Variants in CRB2 observed in about 807,000 individuals in gnomAD.
CRB2 encodes the protein protein crumbs homolog 2.
A neutral mutation model predicts 110.9 loss-of-function variants in CRB2; 85 were observed. The ratio of observed to expected loss-of-function variants is 0.77; its 90% confidence interval spans 0.64 to 0.92. The LOEUF (loss-of-function observed/expected upper bound fraction) is 0.92. Ranked by LOEUF, CRB2 falls within the 40% of genes least tolerant of loss-of-function variation. CRB2 has a pLI of 0.00. For synonymous variants in CRB2, 907 were observed against 831.0 expected (o/e 1.09, Z -1.57); for missense variants, 1,843 against 1,851.3 (o/e 1.00, Z 0.08).
At chr9:123,359,804 T>C (rs1180965369) in intron 1 of CRB2, among the ~76,000 whole-genome samples, 2 of 152,114 alleles carry the variant, frequency 1.3e-5, no homozygotes, top group Non-Finnish European at 2.9e-5. Context: ...CCATTCTAAG[T>C]GCATGAAAAG....
chr9:123,362,859 C>G lies in CRB2; in HGVS notation c.95-6C>G, dbSNP rs766647202. ...ACCCTGCCCAGCCAGTTTCTTCTTT[C>G]TACAGGGACGGTGCCTTCAGAGCCC... On this transcript the variant is annotated splice_region_variant and splice_polypyrimidine_tract_variant and intron_variant, in intron 1 of 12. Coordinates refer to ENST00000373631, the MANE Select transcript of CRB2 (RefSeq NM_173689.7). 5.7e-6 allele frequency: 9 copies of G among 1,568,962 alleles called. No homozygotes were observed. In the South Asian group the frequency reaches 1.0e-4, roughly 18 times the overall value.
rs200215866 is a variant in CRB2 at position 123,367,373 on chromosome 9, G to C, written c.940+16G>C. ...GGCTTTGAGGGTGAGCCCCTGCTGG[G>C]GAAGCGGTCAGCCCATGTCCAGATG... On this transcript the variant is annotated intron_variant, in intron 5 of 12. Transcript: ENST00000373631. The C allele has an allele frequency of 5.5e-4, 873 of 1,594,006 alleles. 5 individuals are homozygous for C. In the African/African-American group the frequency reaches 0.011, roughly 20 times the overall value.
chr9:123,373,662 G>T lies in CRB2; in HGVS notation c.3131G>T (p.Trp1044Leu). ...APGAREHFASWPGTPAPILGC... is the reference protein window; with the variant it reads ...APGAREHFASLPGTPAPILGC... ...GGCGCCCGAGAGCACTTCGCGTCTT[G>T]GCCTGGGACGCCGGCCCCGATCCTC... The change falls in exon 10 of 13, where the codon TGG (tryptophan) becomes TTG (leucine). Residue 1044 changes from tryptophan (W) to leucine (L), a missense_variant. Physicochemically the swap from Trp to Leu is moderately conservative, Grantham distance 61. Transcript: ENST00000373631. 7.0e-7 allele frequency: 1 copy of T among 1,437,188 alleles called. No homozygotes were observed. 89.0% of individuals were successfully genotyped at this position (1,437,188 alleles called of 1,614,324 possible). A position where few individuals can be genotyped will look rare whatever the true frequency, so the allele number is the denominator to read the frequency against.
chr9:123,363,919 G>A (rs370603539), intron 2 of CRB2, among the ~76,000 whole-genome samples: 9 of 152,320 alleles, frequency 5.9e-5, no homozygotes, highest in African/African-American at 1.9e-4. Flanking sequence ...CAGAAGGGGC[G>A]CAGTCTGGGA....
rs748440083 is a variant in CRB2 at position 123,371,174 on chromosome 9, A to G, written c.2032A>G (p.Thr678Ala). Residue 678 changes from threonine to alanine, a missense_variant, in exon 8 of 13, where the codon ACT becomes GCT. Physicochemically the swap from Thr to Ala is moderately conservative, Grantham distance 58. Coordinates refer to ENST00000373631, the MANE Select transcript of CRB2 (RefSeq NM_173689.7). ...PNLTVSFLLR[T>A]RESAGLLLQF... ...CCTCACAGTGTCTTTCCTTCTCCGC[A>G]CTCGGGAGTCCGCTGGCCTGTTGCT... The G allele has an allele frequency of 1.9e-6, 3 of 1,613,304 alleles. No homozygotes were observed. The highest frequency in any genetic ancestry group is 3.3e-5 in the Admixed American group (2 of 59,984).
chr9:123,373,897 T>C lies in CRB2; in HGVS notation c.3366T>C (p.Pro1122=), dbSNP rs756922474. Residue 1122 remains proline (P), a synonymous_variant, in exon 10 of 13, where the codon CCT becomes CCC. Transcript: ENST00000373631. The part of the protein sequence containing the change: ...PDGRFECRCP[P]GFGGPRCRLP... ...GCCGCTTCGAGTGCCGCTGCCCGCC[T>C]GGCTTCGGGGGCCCGCGCTGCAGGT... 1.9e-5 allele frequency: 30 copies of C among 1,548,212 alleles called. No individual in the cohort carries two copies. In the Admixed American group the frequency reaches 5.8e-4, roughly 30 times the overall value.
At position 123,371,551 on chromosome 9, in the gene CRB2, G is replaced by A. The variant is rs983780669; in HGVS notation, c.2409G>A (p.Ala803=). 3.1e-6 allele frequency: 5 copies of A among 1,613,100 alleles called. No homozygotes were observed. Among genetic ancestry groups the A allele is most frequent in the Non-Finnish European group, 4.2e-6 (5 of 1,180,030 alleles). The change falls in exon 8 of 13, where the codon GCG becomes GCA. Residue 803 remains alanine (A), a synonymous_variant. Coordinates refer to ENST00000373631, the MANE Select transcript of CRB2 (RefSeq NM_173689.7). ...LGGRQSWNLT[A]GCVSEDMCSP... ...GCAGGCAGTCCTGGAACCTCACTGC[G>A]GGCTGCGTCTCCGAGGACATGTGCA...
intron 1 of CRB2, among the ~76,000 whole-genome samples, chr9:123,357,851 C>T (rs901287693): frequency 6.6e-6 from 1 of 152,254 alleles, no homozygotes; most frequent in Non-Finnish European, 1.5e-5. Flanking sequence ...CATGTGCCTG[C>T]ACACCAATGT....
At chr9:123,359,429 C>CTTTTT (rs2041835094) in intron 1 of CRB2, among the ~76,000 whole-genome samples, 1 of 106,256 alleles carries the variant, frequency 9.4e-6, no homozygotes, top group Non-Finnish European at 1.8e-5. Flanking sequence ...TGTGGTTTTT[C>CTTTTT]GTTTTTGTTT....
At position 123,367,072 on chromosome 9, in the gene CRB2, G is replaced by A. The variant is rs10760281; in HGVS notation, c.755-100G>A. 484,329 of 1,281,494 alleles carry A rather than the reference G, an allele frequency of 0.38. 94,651 individuals are homozygous for A. The highest frequency in any genetic ancestry group is 0.4 in the Non-Finnish European group (383,808 of 951,384). The allele number at this position is 1,281,494 out of a possible 1,614,324, so 79.4% of individuals were successfully genotyped here. On this transcript the variant is annotated intron_variant, in intron 4 of 12. Transcript: ENST00000373631. Reference sequence around the variant, plus strand: ...TCCCTCGCCATTCGTGGCTTATTCCGAGCTGCGGTCCCTTGCTGGCCCTCG... The same window carrying A: ...TCCCTCGCCATTCGTGGCTTATTCCAAGCTGCGGTCCCTTGCTGGCCCTCG...
At position 123,365,774 on chromosome 9, in the gene CRB2, C is replaced by G. The variant is rs867211535; in HGVS notation, c.419-143C>G. On this transcript the variant is annotated intron_variant, in intron 2 of 12. Transcript: ENST00000373631. The stretch of plus-strand genomic sequence containing the variant: ...TGCGGTTGCTGGCATGACCCGTCCC[C>G]CACCCCCCAACCACCACCACCACCA... 5.4e-6 allele frequency: 4 copies of G among 743,936 alleles called. No individual in the cohort carries two copies. The African/African-American group carries it at 7.4e-5, about 14-fold the overall frequency. 46.1% of individuals were successfully genotyped at this position (743,936 alleles called of 1,614,324 possible).
Position 123,360,971 on chromosome 9 carries a change from C to T in CRB2, c.95-1894C>T, listed in dbSNP as rs546742664. Among the ~76,000 whole-genome samples, 9 of 152,270 alleles carry T rather than the reference C, an allele frequency of 5.9e-5. No homozygotes were observed. The South Asian group carries it at 1.9e-3, about 32-fold the overall frequency. Reference sequence around the variant, plus strand: ...CCTCCCATGGGGTTGGACTCTGTCTCCCGGGCTCTGTCATTTAGAGCCCAT... The same window carrying T: ...CCTCCCATGGGGTTGGACTCTGTCTTCCGGGCTCTGTCATTTAGAGCCCAT... On this transcript the variant is annotated intron_variant, in intron 1 of 12. Transcript: ENST00000373631.
rs1564377346 is a variant in CRB2, at chr9:123,373,520, C to T, written c.2989C>T (p.Gln997Ter). The T allele has an allele frequency of 4.1e-6, 6 of 1,478,176 alleles. No homozygotes were observed. Among genetic ancestry groups the T allele is most frequent in the Non-Finnish European group, 5.3e-6 (6 of 1,122,172 alleles). 91.6% of individuals were successfully genotyped at this position (1,478,176 alleles called of 1,614,324 possible). ...RGLASDLGFL[Q>*]GPGAVRILLA... ...CCTGGCCAGTGACCTGGGCTTCCTG[C>T]AGGGCCCGGGTGCTGTGCGCATCCT... Residue 997 changes from glutamine (Q) to a stop codon, truncating the protein, a stop_gained, in exon 10 of 13, where the codon CAG becomes TAG. Coordinates refer to ENST00000373631, the MANE Select transcript of CRB2 (RefSeq NM_173689.7). LOFTEE classifies it high-confidence loss of function.
At position 123,373,746 on chromosome 9, in the gene CRB2, G is replaced by A; in HGVS notation, c.3215G>A (p.Arg1072His). 1.7e-5 allele frequency: 27 copies of A among 1,588,214 alleles called. No individual in the cohort carries two copies. Among genetic ancestry groups the A allele is most frequent in the Non-Finnish European group, 2.3e-5 (27 of 1,175,742 alleles). The change falls in exon 10 of 13, where the codon CGT becomes CAT. Residue 1072 changes from arginine to histidine, a missense_variant. Transcript: ENST00000373631. ...CCCTGTCTGCACGACGGTGCCTGCCGTGACCTCTTCGACGCCTTTGCCTGC... is the reference window on the plus strand; with the variant it reads ...CCCTGTCTGCACGACGGTGCCTGCCATGACCTCTTCGACGCCTTTGCCTGC... ...PSPCLHDGAC[R>H]DLFDAFACAC...
At chr9:123,374,154 C>CGCCT (rs1418270045) in intron 10 of CRB2, 1 of 684,292 alleles carries the variant, frequency 1.5e-6, no homozygotes, top group Non-Finnish European at 2.5e-6. Flanking sequence ...GGCTGGGAGC[C>CGCCT]GCCTGCCGCT....
chr9:123,363,059 G>C lies in CRB2; in HGVS notation c.289G>C (p.Val97Leu). Residue 97 changes from valine (V) to leucine (L), a missense_variant, in exon 2 of 13, where the codon GTG (valine) becomes CTG (leucine). Coordinates refer to ENST00000373631, the MANE Select transcript of CRB2 (RefSeq NM_173689.7). ...TCCCACCGGCTTCCGCTGCTACTGC[G>C]TGCCGGGTTTCCAGGGCCCACGCTG... is the stretch of plus-strand genomic sequence containing the variant. ...PDPTGFRCYC[V>L]PGFQGPRCEL... 1.2e-6 allele frequency: 2 copies of C among 1,611,800 alleles called. No homozygotes were observed. Among genetic ancestry groups the C allele is most frequent in the Non-Finnish European group, 1.7e-6 (2 of 1,179,882 alleles).
Position 123,374,746 on chromosome 9 carries a change from C to T in CRB2, c.3506+51C>T, listed in dbSNP as rs745756960. On this transcript the variant is annotated intron_variant, in intron 11 of 12. Coordinates refer to ENST00000373631, the MANE Select transcript of CRB2 (RefSeq NM_173689.7). ...GAGGAGGTCCAATGAATGTGGAGGG[C>T]TGTTCCTCCAGCCAGGGTGGGGCGG... is the stretch of plus-strand genomic sequence containing the variant. 6.0e-6 allele frequency: 8 copies of T among 1,338,840 alleles called. No individual in the cohort carries two copies. The East Asian group carries it at 1.9e-4, about 31-fold the overall frequency. 82.9% of individuals were successfully genotyped at this position (1,338,840 alleles called of 1,614,324 possible). A position where few individuals can be genotyped will look rare whatever the true frequency, so the allele number is the denominator to read the frequency against.
At chr9:123,367,757 T>A in intron 6 of CRB2, 71 bp downstream of exon 6, 1 of 991,524 alleles carries the variant, frequency 1.0e-6, no homozygotes, top group Non-Finnish European at 1.5e-6. Flanking sequence ...CCCTTCTGTC[T>A]GGATGTGTGG....
chr9:123,364,954 G>T (rs1042927915), intron 2 of CRB2, among the ~76,000 whole-genome samples: 6 of 152,222 alleles, frequency 3.9e-5, no homozygotes, highest in African/African-American at 1.2e-4. Context: ...AAAGCCACCA[G>T]AGTGGACCTT....
Sources: allele counts gnomAD v4.1 joint callset (sites outside exome capture counted in the v4.1 genomes callset), GRCh38; gene constraint gnomAD v4.1.1; transcripts MANE v1.5; gene names NCBI Gene and HGNC (gene_info 2026-07-23, HGNC 2026-07-21).